TACC1: variants seen among roughly 807,000 people sequenced by gnomAD.
The protein encoded by TACC1 is transforming acidic coiled-coil-containing protein 1.
TACC1 carries 48 observed loss-of-function variants against 84.4 expected under a neutral mutation model. The ratio of observed to expected loss-of-function variants is 0.57; its 90% CI spans 0.45 to 0.72. The LOEUF (loss-of-function observed/expected upper bound fraction) is 0.72. Ranked by LOEUF, TACC1 falls within the 30% of genes least tolerant of loss-of-function variation. The pLI is 0.00. For synonymous variants in TACC1, 372 were observed against 376.3 expected (o/e 0.99, Z 0.13); for missense variants, 920 against 973.0 (o/e 0.95, Z 0.72).
At chr8:38,792,370 T>C (rs1402791140) in intron 2 of TACC1, among the ~76,000 whole-genome samples, 1 of 152,264 alleles carries the variant, frequency 6.6e-6, no homozygotes, top group African/African-American at 2.4e-5. Flanking sequence ...CATAGCTTAC[T>C]GCAGCCTCCA....
At chr8:38,817,801 A>G (rs1306887045) in intron 2 of TACC1, among the ~76,000 whole-genome samples, 2 of 151,840 alleles carry the variant, frequency 1.3e-5, no homozygotes, top group Non-Finnish European at 2.9e-5. Context: ...AGCTATTCCA[A>G]ATCCCAGCTA....
intron 2 of TACC1, among the ~76,000 whole-genome samples, chr8:38,795,615 T>C (rs192303876): frequency 6.6e-6 from 1 of 152,354 alleles, no homozygotes; most frequent in African/African-American, 2.4e-5. Flanking sequence ...AGAGGAAATC[T>C]TGGAGGGTAT....
intron 2 of TACC1, among the ~76,000 whole-genome samples, chr8:38,801,598 A>G (rs1431231551): frequency 2.6e-5 from 4 of 152,218 alleles, no homozygotes; most frequent in Non-Finnish European, 5.9e-5. Flanking sequence ...TGCTGGTACC[A>G]CCACACTGTC....
At chr8:38,802,826 G>A (rs1266543130) in intron 2 of TACC1, among the ~76,000 whole-genome samples, 1 of 152,004 alleles carries the variant, frequency 6.6e-6, no homozygotes, top group East Asian at 1.9e-4. Flanking sequence ...TCTGAGGAGA[G>A]CTAATAGAAT....
chr8:38,837,271 A>C (rs1413010320), intron 7 of TACC1, among the ~76,000 whole-genome samples: 1 of 151,752 alleles, frequency 6.6e-6, no homozygotes, highest in Non-Finnish European at 1.5e-5. Flanking sequence ...AAAAAATACA[A>C]AATTAGCTGG....
At chr8:38,810,234 T>C (rs994100441) in intron 2 of TACC1, among the ~76,000 whole-genome samples, 21 of 152,314 alleles carry the variant, frequency 1.4e-4, no homozygotes, top group Admixed American at 8.5e-4. Context: ...ATTACTCTTT[T>C]AATTTAAAAA....
At position 38,838,464 on chromosome 8, in the gene TACC1, C is replaced by T; in HGVS notation, c.1840-6C>T. On this transcript the variant is annotated splice_polypyrimidine_tract_variant and splice_region_variant and intron_variant, in intron 7 of 12. Coordinates refer to ENST00000317827, the MANE Select transcript of TACC1 (RefSeq NM_006283.3). ...TTGGGTAAAACTAAGCTTTATTGTA[C>T]TCTAGATAATTACTAAAGAGATTGA... 1 of 1,606,772 alleles carries T rather than the reference C, an allele frequency of 6.2e-7. No individual in the cohort carries two copies. Among genetic ancestry groups the T allele is most frequent in the African/African-American group, 1.3e-5 (1 of 74,886 alleles).
chr8:38,794,303 A>G (rs1247574750), intron 2 of TACC1, among the ~76,000 whole-genome samples: 1 of 152,070 alleles, frequency 6.6e-6, no homozygotes, highest in Non-Finnish European at 1.5e-5. Flanking sequence ...ATTTTCTTAA[A>G]TTTTTTTTAA....
intron 6 of TACC1, among the ~76,000 whole-genome samples, chr8:38,833,596 G>A (rs940600018): frequency 1.3e-5 from 2 of 152,274 alleles, no homozygotes; most frequent in Middle Eastern, 3.4e-3. Context: ...ATCTCCTACC[G>A]CCTGCTCAGG....
At chr8:38,753,776 T>C (rs553414164) in intron 3 of TACC1, among the ~76,000 whole-genome samples, 1 of 152,290 alleles carries the variant, frequency 6.6e-6, no homozygotes, top group East Asian at 1.9e-4. Flanking sequence ...CACACAAGCA[T>C]CTTTGCAGAG....
At chr8:38,794,492 G>C (rs575235453) in intron 2 of TACC1, among the ~76,000 whole-genome samples, 1 of 152,198 alleles carries the variant, frequency 6.6e-6, no homozygotes, top group Admixed American at 6.5e-5. Context: ...AGTTGACTGT[G>C]CAGATCTCTT....
intron 3 of TACC1, among the ~76,000 whole-genome samples, chr8:38,823,476 A>C (rs1827324972): frequency 6.6e-6 from 1 of 152,138 alleles, no homozygotes; most frequent in South Asian, 2.1e-4. Flanking sequence ...GTTGCATGCA[A>C]CCAATGCATT....
intron 3 of TACC1, among the ~76,000 whole-genome samples, chr8:38,755,707 AAACAAC>A (rs71216684): frequency 0.094 from 13,172 of 140,828 alleles, 729 homozygotes; most frequent in South Asian, 0.2. Context: ...CGGTCTTTCA[AAACAAC>A]AACAACAACA....
rs534726056 is a variant in TACC1, at chr8:38,766,017, A to G, written c.26+20524A>G. 1.6e-3 allele frequency among the ~76,000 whole-genome samples: 247 copies of G among 152,290 alleles called. 1 individual carries two copies. The highest frequency in any genetic ancestry group is 2.9e-3 in the Non-Finnish European group (194 of 68,024). On this transcript the variant is annotated intron_variant, in intron 3 of 14. Coordinates refer to the TACC1 transcript ENST00000518415. Reference sequence around the variant, plus strand: ...TTTGTCAGGCATACATTTTTCAGGGACAGTCTTTAGAGTTTATTTTTTGTA... The same window carrying G: ...TTTGTCAGGCATACATTTTTCAGGGGCAGTCTTTAGAGTTTATTTTTTGTA...
chr8:38,739,229 G>A (rs1418942404), intron 1 of TACC1, among the ~76,000 whole-genome samples: 1 of 152,196 alleles, frequency 6.6e-6, no homozygotes, highest in Non-Finnish European at 1.5e-5. Flanking sequence ...AGCTAAACAT[G>A]AATTCATACT....
chr8:38,843,473 TCGCAACTCC>T, intron 11 of TACC1, 78 bp downstream of exon 11: 1 of 1,016,048 alleles, frequency 9.8e-7, no homozygotes. Context: ...AATCACTGTT[TCGCAACTCC>T]AGGTTGTATT....
chr8:38,758,289 G>A (rs1371538300), intron 3 of TACC1, among the ~76,000 whole-genome samples: 4 of 152,140 alleles, frequency 2.6e-5, no homozygotes, highest in African/African-American at 9.7e-5. Context: ...ATCTTTTCAA[G>A]GCAAAATAGC....
chr8:38,837,264 A>AAT (rs1382433236), intron 7 of TACC1, among the ~76,000 whole-genome samples: 1 of 151,530 alleles, frequency 6.6e-6, no homozygotes, highest in Non-Finnish European at 1.5e-5. Context: ...AAAAAAAAAA[A>AAT]AATACAAAAT....
rs549242256 is a variant in TACC1 at position 38,780,332 on chromosome 8, A to T, written c.27-8372A>T. ...CCAATCATAAATCTTCCTTCTCCTT[A>T]CATATTGTAACATGTTCTTTATATT... On this transcript the variant is annotated intron_variant, in intron 3 of 14. Coordinates refer to the TACC1 transcript ENST00000518415. 1.8e-4 allele frequency among the ~76,000 whole-genome samples: 27 copies of T among 152,142 alleles called. 1 individual carries two copies. In the South Asian group the frequency reaches 5.6e-3, roughly 32 times the overall value.
Sources: gnomAD v4.1 joint callset for allele counts (sites outside exome capture counted in the v4.1 genomes callset) on GRCh38, gnomAD v4.1.1 for gene constraint, MANE v1.5 for transcripts, NCBI Gene and HGNC (gene_info 2026-07-23, HGNC 2026-07-21) for gene names.